The following TMEM232 variants were observed in gnomAD, a reference collection of about 807,000 sequenced individuals.
The protein encoded by TMEM232 is transmembrane protein 232.
A neutral mutation model predicts 78.8 loss-of-function variants in TMEM232; 80 were observed. The ratio of observed to expected loss-of-function variants is 1.01; its 90% CI spans 0.85 to 1.22. The LOEUF (loss-of-function observed/expected upper bound fraction) is 1.22. TMEM232 is among the 50% of genes most tolerant of loss of function. TMEM232 has a pLI of 0.00. For missense variants in TMEM232, 881 were observed against 742.2 expected, an observed-to-expected ratio of 1.19 and a Z score of -2.17; for synonymous variants, 297 against 254.3, an observed-to-expected ratio of 1.17 and a Z score of -1.60.
intron 1 of TMEM232, among the ~76,000 whole-genome samples, chr5:110,702,086 A>G (rs1424898893): frequency 6.6e-6 from 1 of 151,998 alleles, no homozygotes; most frequent in Non-Finnish European, 1.5e-5. Flanking sequence ...CTCTCATGGT[A>G]CAGCAGTTAT....
intron 12 of TMEM232, among the ~76,000 whole-genome samples, chr5:110,451,527 T>C (rs1760277741): frequency 1.3e-5 from 2 of 152,200 alleles, no homozygotes; most frequent in Admixed American, 6.6e-5. Context: ...TTACATTTAA[T>C]GCCTTAATCT....
At chr5:110,561,067 A>T in intron 11 of TMEM232, among the ~76,000 whole-genome samples, 1 of 152,306 alleles carries the variant, frequency 6.6e-6, no homozygotes, top group South Asian at 2.1e-4. Flanking sequence ...AAGCAAAATT[A>T]TTACATAAAA....
At chr5:110,735,371 G>A (rs1488671798) in intron 1 of TMEM232, among the ~76,000 whole-genome samples, 1 of 151,914 alleles carries the variant, frequency 6.6e-6, no homozygotes, top group East Asian at 1.9e-4. Flanking sequence ...GTTGGGGGGT[G>A]GTTATACTAT....
intron 2 of TMEM232, among the ~76,000 whole-genome samples, chr5:110,646,367 A>G (rs747811903): frequency 3.4e-4 from 51 of 151,778 alleles, no homozygotes; most frequent in Non-Finnish European, 6.2e-4. Context: ...GTACCGGCAT[A>G]AAAAAAGACC....
intron 1 of TMEM232, among the ~76,000 whole-genome samples, chr5:110,672,464 T>C (rs944421493): frequency 6.6e-6 from 1 of 152,204 alleles, no homozygotes. Context: ...AGAGTTGTGA[T>C]ATACAAGAGA....
intron 12 of TMEM232, among the ~76,000 whole-genome samples, chr5:110,515,505 T>G (rs1001618148): frequency 6.6e-6 from 1 of 152,298 alleles, no homozygotes; most frequent in East Asian, 1.9e-4. Flanking sequence ...TACACTCTTA[T>G]AAGAAGGTAG....
rs141848046 is a variant in TMEM232 at position 110,694,816 on chromosome 5, C to T, written c.-12-27452G>A. On this transcript the variant is annotated intron_variant, in intron 1 of 13. Coordinates refer to ENST00000455884, the MANE Select transcript of TMEM232 (RefSeq NM_001039763.4). ...GATTCATAAAGCAAGTCCTTAGTGA[C>T]CTACAAAGAGACTTAGACTCCGACA... is the stretch of plus-strand genomic sequence containing the variant. Among the ~76,000 whole-genome samples, 1,001 of 152,200 alleles carry T rather than the reference C, an allele frequency of 6.6e-3. 31 individuals are homozygous for T. Among genetic ancestry groups the T allele is most frequent in the Admixed American group, 0.055 (839 of 15,276 alleles).
intron 1 of TMEM232, among the ~76,000 whole-genome samples, chr5:110,724,599 C>G (rs1797975360): frequency 6.6e-6 from 1 of 152,180 alleles, no homozygotes; most frequent in Non-Finnish European, 1.5e-5. Context: ...AATCCTAGAT[C>G]ACGGCCACTG....
At chr5:110,698,627 T>C (rs1002065122) in intron 1 of TMEM232, among the ~76,000 whole-genome samples, 2 of 152,100 alleles carry the variant, frequency 1.3e-5, no homozygotes, top group African/African-American at 2.4e-5. Flanking sequence ...TGGGTTTACA[T>C]GGTGGGTTAC....
At chr5:110,469,102 T>A (rs149285755) in intron 12 of TMEM232, among the ~76,000 whole-genome samples, 4 of 152,194 alleles carry the variant, frequency 2.6e-5, no homozygotes, top group African/African-American at 9.6e-5. Flanking sequence ...GCAATCCTCA[T>A]GAGAATGAAG....
intron 2 of TMEM232, among the ~76,000 whole-genome samples, chr5:110,652,053 T>C (rs575454161): frequency 6.6e-6 from 1 of 152,156 alleles, no homozygotes; most frequent in Non-Finnish European, 1.5e-5. Context: ...AATAGGAGGC[T>C]GACAGAGGTT....
At chr5:110,714,923 A>G (rs1220107735) in intron 1 of TMEM232, among the ~76,000 whole-genome samples, 1 of 152,160 alleles carries the variant, frequency 6.6e-6, no homozygotes, top group East Asian at 1.9e-4. Context: ...ATTTTAGGAG[A>G]ATTACTCAAG....
At chr5:110,394,729 G>C (rs1755323038) in intron 3 of TMEM232, among the ~76,000 whole-genome samples, 2 of 152,090 alleles carry the variant, frequency 1.3e-5, no homozygotes, top group Admixed American at 6.6e-5. Flanking sequence ...ATTTCCATGT[G>C]TTTGTATAAT....
At chr5:110,461,756 G>C (rs558694976) in intron 12 of TMEM232, among the ~76,000 whole-genome samples, 23 of 152,248 alleles carry the variant, frequency 1.5e-4, no homozygotes, top group African/African-American at 5.5e-4. Flanking sequence ...AAGTTCTAGG[G>C]CCCTTGAGAA....
At chr5:110,724,869 A>C (rs545829697) in intron 1 of TMEM232, among the ~76,000 whole-genome samples, 1 of 151,960 alleles carries the variant, frequency 6.6e-6, no homozygotes, top group East Asian at 1.9e-4. Flanking sequence ...TTCAACAAAA[A>C]AACTTGCCAT....
chr5:110,737,518 C>A (rs1308158308), intron 1 of TMEM232, among the ~76,000 whole-genome samples: 1 of 152,202 alleles, frequency 6.6e-6, no homozygotes, highest in African/African-American at 2.4e-5. Flanking sequence ...ATGAAAGCTA[C>A]TTTCTTCTCA....
chr5:110,493,563 T>C (rs1459552973), intron 12 of TMEM232, among the ~76,000 whole-genome samples: 4 of 152,092 alleles, frequency 2.6e-5, no homozygotes, highest in South Asian at 2.1e-4. Context: ...ATATATGGCA[T>C]TGGCTGATCA....
chr5:110,738,823 C>T (rs1799494389), upstream of TMEM232: 1 of 564,576 alleles, frequency 1.8e-6, no homozygotes, highest in South Asian at 2.4e-5. Context: ...TCTGGAATCT[C>T]TTTGGTACTG....
intron 1 of TMEM232, among the ~76,000 whole-genome samples, chr5:110,695,969 C>T (rs946929013): frequency 6.6e-6 from 1 of 152,152 alleles, no homozygotes; most frequent in Non-Finnish European, 1.5e-5. Flanking sequence ...CAGCATCATC[C>T]TGATACCAAA....
Sources: gnomAD v4.1 joint callset for allele counts (sites outside exome capture counted in the v4.1 genomes callset) on GRCh38, gnomAD v4.1.1 for gene constraint, MANE v1.5 for transcripts, NCBI Gene and HGNC (gene_info 2026-07-23, HGNC 2026-07-21) for gene names.